Variants in HLF observed in about 807,000 individuals in gnomAD.
HLF encodes HLF transcription factor, PAR bZIP family member, also known as hepatic leukemia factor.
HLF carries 3 observed loss-of-function variants against 22.6 expected under a neutral mutation model. That is an observed-to-expected ratio of 0.13 (90% CI 0.06 to 0.34). The LOEUF (loss-of-function observed/expected upper bound fraction) is 0.34, where lower values mean the gene tolerates loss of function less well. Among genes scored for constraint, HLF ranks in the 10% least tolerant of loss-of-function variants. The pLI is 1.00. For missense variants in HLF, 299 were observed against 389.2 expected (o/e 0.77, Z 1.95); for synonymous variants, 151 against 151.8 (o/e 0.99, Z 0.04).
rs1349123583 is a variant in HLF at position 55,322,722 on chromosome 17, T to C, written c.*1843T>C. ...GATACAGTGTTTTTTAGGAAAAGCA[T>C]CTGCCACAAAAATGTTCACTTCGAA... is the stretch of plus-strand genomic sequence containing the variant. On this transcript the variant is annotated 3_prime_UTR_variant, in exon 4 of 4. Transcript: ENST00000226067. 4.5e-6 allele frequency: 1 copy of C among 221,356 alleles called. No homozygotes were observed. The highest frequency in any genetic ancestry group is 6.6e-5 in the East Asian group (1 of 15,126). 13.7% of individuals were successfully genotyped at this position (221,356 alleles called of 1,614,324 possible). A position where few individuals can be genotyped will look rare whatever the true frequency, so the allele number is the denominator to read the frequency against.
At position 55,265,413 on chromosome 17, in the gene HLF, A is replaced by T. The variant is rs2080777828; in HGVS notation, c.-72A>T. The T allele has an allele frequency of 1.1e-5, 10 of 894,008 alleles. No homozygotes were observed. The highest frequency in any genetic ancestry group is 7.1e-5 in the South Asian group (5 of 70,168). The allele number at this position is 894,008 out of a possible 1,614,324, so 55.4% of individuals were successfully genotyped here. ...TTGGCAAAGGACGGAGGAAAAGCTC[A>T]GCAACATTTTAGGGGGCGGTTGTTT... On this transcript the variant is annotated 5_prime_UTR_variant, in exon 1 of 4. Coordinates refer to ENST00000226067, the MANE Select transcript of HLF (RefSeq NM_002126.5).
chr17:55,315,033 G>T (rs1234553091), intron 2 of HLF, among the ~76,000 whole-genome samples, 194 bp from the exon 3 acceptor site: 1 of 152,228 alleles, frequency 6.6e-6, no homozygotes, highest in Non-Finnish European at 1.5e-5. Flanking sequence ...TGTTTTGCCT[G>T]ATGTGACGTG....
At position 55,323,823 on chromosome 17, in the gene HLF, A is replaced by G. The variant is rs1905354477; in HGVS notation, c.*2944A>G. The G allele has an allele frequency of 4.3e-6, 1 of 229,976 alleles. No homozygotes were observed. The highest frequency in any genetic ancestry group is 5.7e-5 in the Admixed American group (1 of 17,668). 14.2% of individuals were successfully genotyped at this position (229,976 alleles called of 1,614,324 possible). On this transcript the variant is annotated 3_prime_UTR_variant, in exon 4 of 4. Transcript: ENST00000226067. The stretch of plus-strand genomic sequence containing the variant: ...TATGAGAGTCCCTTTGTCATTTTTC[A>G]CCTTTTCATCCTAAGCATCTTTCAG...
chr17:55,311,838 T>C (rs1458382235), intron 2 of HLF, among the ~76,000 whole-genome samples: 3 of 152,198 alleles, frequency 2.0e-5, no homozygotes, highest in Admixed American at 2.0e-4. Context: ...CTCCACCTTT[T>C]TAGAGCCCTC....
intron 2 of HLF, among the ~76,000 whole-genome samples, chr17:55,283,122 A>G (rs186753168): frequency 6.2e-4 from 95 of 152,022 alleles, no homozygotes; most frequent in African/African-American, 2.0e-3. Context: ...TTTTATAAAG[A>G]AAAGAAAAAA....
intron 2 of HLF, among the ~76,000 whole-genome samples, chr17:55,270,762 G>A (rs1005650327): frequency 1.4e-5 from 2 of 147,586 alleles, no homozygotes; most frequent in African/African-American, 2.5e-5. Flanking sequence ...CCGGGTTCAC[G>A]CCATTCTCCT....
intron 2 of HLF, among the ~76,000 whole-genome samples, chr17:55,297,062 A>C (rs538017844): frequency 2.6e-5 from 4 of 152,180 alleles, no homozygotes; most frequent in Admixed American, 2.0e-4. Flanking sequence ...TTCAGATCCA[A>C]ATTGCAAGAT....
At chr17:55,289,535 T>A (rs1202910823) in intron 2 of HLF, among the ~76,000 whole-genome samples, 1 of 152,174 alleles carries the variant, frequency 6.6e-6, no homozygotes, top group Non-Finnish European at 1.5e-5. Context: ...CTTGCCAAGG[T>A]GAGATAGCAG....
chr17:55,265,478 C>T lies in HLF; in HGVS notation c.-7C>T. 2 of 1,532,632 alleles carry T rather than the reference C, an allele frequency of 1.3e-6. No homozygotes were observed. Among genetic ancestry groups the T allele is most frequent in the Non-Finnish European group, 1.8e-6 (2 of 1,108,738 alleles). The allele number at this position is 1,532,632 out of a possible 1,614,324, so 94.9% of individuals were successfully genotyped here. On this transcript the variant is annotated 5_prime_UTR_variant, in exon 1 of 4. Coordinates refer to ENST00000226067, the MANE Select transcript of HLF (RefSeq NM_002126.5). ...TTTTTAAGGGGAAAAAATTTGAGTGCATCGCGATGGAGAAAATGTCCCGAC... is the reference window on the plus strand; with the variant it reads ...TTTTTAAGGGGAAAAAATTTGAGTGTATCGCGATGGAGAAAATGTCCCGAC...
Position 55,321,451 on chromosome 17 carries a change from T to A in HLF, c.*572T>A, listed in dbSNP as rs2145381197. ...CTCTTACTTTCAGTTTTGGTGATAA[T>A]CGTCTTCAAATTAAAGTGCTGTTTA... On this transcript the variant is annotated 3_prime_UTR_variant, in exon 4 of 4. Coordinates refer to ENST00000226067, the MANE Select transcript of HLF (RefSeq NM_002126.5). 4.3e-6 allele frequency: 1 copy of A among 232,146 alleles called. No individual in the cohort carries two copies. Among genetic ancestry groups the A allele is most frequent in the South Asian group, 1.8e-4 (1 of 5,518 alleles). 14.4% of individuals were successfully genotyped at this position (232,146 alleles called of 1,614,324 possible).
intron 2 of HLF, among the ~76,000 whole-genome samples, chr17:55,294,658 G>C (rs1263189382): frequency 6.6e-6 from 1 of 152,192 alleles, no homozygotes; most frequent in Non-Finnish European, 1.5e-5. Context: ...GTGTGGACCA[G>C]ATGTCAGGCC....
rs570707868 is a variant in HLF at position 55,275,985 on chromosome 17, G to T, written c.451+7899G>T. 4.6e-5 allele frequency among the ~76,000 whole-genome samples: 7 copies of T among 152,292 alleles called. No individual in the cohort carries two copies. The South Asian group carries it at 1.5e-3, about 32-fold the overall frequency. ...TAGCTGGATATGGTGGCACGTGCCT[G>T]TAGTCTTGGCTACTTGGGAGGCTGA... On this transcript the variant is annotated intron_variant, in intron 2 of 3. Coordinates refer to ENST00000226067, the MANE Select transcript of HLF (RefSeq NM_002126.5).
At chr17:55,265,940 G>T in intron 1 of HLF, 2 of 858,978 alleles carry the variant, frequency 2.3e-6, no homozygotes, top group Non-Finnish European at 2.9e-6. Flanking sequence ...GAGCCCGCCT[G>T]CGGAGGGCAG....
Position 55,323,774 on chromosome 17 carries a change from C to A in HLF, c.*2895C>A, listed in dbSNP as rs933413578. 2.6e-5 allele frequency: 6 copies of A among 230,654 alleles called. No homozygotes were observed. The highest frequency in any genetic ancestry group is 4.3e-5 in the Non-Finnish European group (5 of 116,270). 14.3% of individuals were successfully genotyped at this position (230,654 alleles called of 1,614,324 possible). ...GTGATTTGGGTCAACCGGAGTCAGA[C>A]GCATGTCTGCACGCTGCAGCTATTA... On this transcript the variant is annotated 3_prime_UTR_variant, in exon 4 of 4. Transcript: ENST00000226067.
intron 2 of HLF, among the ~76,000 whole-genome samples, chr17:55,313,311 G>A (rs1305969370): frequency 6.6e-6 from 1 of 151,744 alleles, no homozygotes; most frequent in African/African-American, 2.4e-5. Flanking sequence ...GGGGATAAAT[G>A]AATAAAACAT....
intron 2 of HLF, among the ~76,000 whole-genome samples, chr17:55,280,658 T>G (rs1042814846): frequency 1.0e-4 from 10 of 99,580 alleles, no homozygotes; most frequent in Non-Finnish European, 2.2e-4. Context: ...TGTCCTCTAG[T>G]TGTTGTTGAT....
chr17:55,278,239 A>C (rs1032767783), intron 2 of HLF, among the ~76,000 whole-genome samples: 2 of 152,248 alleles, frequency 1.3e-5, no homozygotes, highest in South Asian at 4.1e-4. Flanking sequence ...AAGATGCTTC[A>C]GGGAGCTACA....
At chr17:55,271,073 C>T (rs1398856803) in intron 2 of HLF, among the ~76,000 whole-genome samples, 1 of 152,168 alleles carries the variant, frequency 6.6e-6, no homozygotes, top group Non-Finnish European at 1.5e-5. Context: ...TACCAAATGT[C>T]CCCTGGGCAT....
chr17:55,311,349 A>C (rs1203910216), intron 2 of HLF, among the ~76,000 whole-genome samples: 1 of 152,022 alleles, frequency 6.6e-6, no homozygotes, highest in Non-Finnish European at 1.5e-5. Context: ...AAAATACAAA[A>C]AAAAATTAGC....
Sources: gnomAD v4.1 joint callset for allele counts (sites outside exome capture counted in the v4.1 genomes callset) on GRCh38, gnomAD v4.1.1 for gene constraint, MANE v1.5 for transcripts, NCBI Gene and HGNC (gene_info 2026-07-23, HGNC 2026-07-21) for gene names.